TRPM3: variants seen among roughly 807,000 people sequenced by gnomAD.
TRPM3 encodes transient receptor potential cation channel subfamily M member 3, also known as long transient receptor potential channel 3.
TRPM3 carries 77 observed loss-of-function variants against 181.2 expected under a neutral mutation model. The observed-to-expected ratio is 0.42, with a 90% CI of 0.35 to 0.51. TRPM3 has a LOEUF of 0.51. Ranked by LOEUF, TRPM3 falls within the 20% of genes least tolerant of loss-of-function variation. TRPM3 has a pLI of 0.01. For synonymous variants in TRPM3, 745 were observed against 796.4 expected (o/e 0.94, Z 1.09); for missense variants, 1,759 against 2,196.7 (o/e 0.80, Z 3.98).
At chr9:70,916,951 T>A in intron 1 of TRPM3, 1 of 1,373,012 alleles carries the variant, frequency 7.3e-7, no homozygotes, top group African/African-American at 1.4e-5. Context: ...GCAAATTGGC[T>A]TAGGCTTTCT....
intron 1 of TRPM3, among the ~76,000 whole-genome samples, chr9:71,168,286 T>G: frequency 6.6e-6 from 1 of 152,160 alleles, no homozygotes; most frequent in East Asian, 1.9e-4. Flanking sequence ...TAATCTAGTT[T>G]TCACTCTTTT....
At chr9:71,302,842 G>C (rs2132340524) in intron 1 of TRPM3, among the ~76,000 whole-genome samples, 1 of 152,028 alleles carries the variant, frequency 6.6e-6, no homozygotes, top group African/African-American at 2.4e-5. Context: ...GGCTTTGTAA[G>C]TTATAGTATG....
intron 1 of TRPM3, among the ~76,000 whole-genome samples, chr9:70,969,190 C>T (rs952028486): frequency 2.0e-5 from 3 of 151,784 alleles, no homozygotes; most frequent in African/African-American, 4.8e-5. Flanking sequence ...AACCAAACAC[C>T]GCATGTTCTC....
chr9:70,621,799 G>A (rs1411164707), intron 14 of TRPM3, among the ~76,000 whole-genome samples: 1 of 152,128 alleles, frequency 6.6e-6, no homozygotes, highest in East Asian at 1.9e-4. Flanking sequence ...TTTTGGATTC[G>A]GTGATTTTAA....
chr9:70,607,363 G>A (rs377403767), intron 19 of TRPM3, among the ~76,000 whole-genome samples: 1 of 152,156 alleles, frequency 6.6e-6, no homozygotes, highest in South Asian at 2.1e-4. Flanking sequence ...TCAAAAGACT[G>A]GCATACCTTA....
chr9:71,361,860 C>G (rs372041909), intron 1 of TRPM3, among the ~76,000 whole-genome samples: 2 of 151,838 alleles, frequency 1.3e-5, no homozygotes, highest in African/African-American at 4.8e-5. Context: ...TATCCCTGAT[C>G]GGGTTCAAAT....
chr9:71,000,512 C>G (rs1042051257), intron 1 of TRPM3, among the ~76,000 whole-genome samples: 8 of 152,170 alleles, frequency 5.3e-5, no homozygotes, highest in African/African-American at 1.9e-4. Flanking sequence ...ATCAATCTTT[C>G]TTAAGTTGGG....
Position 70,843,134 on chromosome 9 carries a change from A to AG in TRPM3, c.677-8_677-7insC, listed in dbSNP as rs111825966. The AG allele has an allele frequency of 1.1e-3, 1,813 of 1,596,254 alleles. 9 individuals are homozygous for AG. The African/African-American group carries it at 0.021, about 18-fold the overall frequency. The stretch of plus-strand genomic sequence containing the variant: ...CCAACATGACGAATAACACCTAAAA[A>AG]AAAAAGAGAAGCATTGATTTTTTCT... On this transcript the variant is annotated splice_region_variant and splice_polypyrimidine_tract_variant and intron_variant, in intron 4 of 25. Coordinates refer to ENST00000677713, the MANE Select transcript of TRPM3 (RefSeq NM_001366145.2).
At chr9:70,599,970 A>C (rs1238429875) in intron 20 of TRPM3, among the ~76,000 whole-genome samples, 4 of 152,202 alleles carry the variant, frequency 2.6e-5, no homozygotes, top group African/African-American at 9.7e-5. Context: ...CCTGTTACAT[A>C]ATAGAAACTC....
intron 1 of TRPM3, among the ~76,000 whole-genome samples, chr9:71,006,812 A>C (rs1476478260): frequency 1.4e-5 from 2 of 147,888 alleles, no homozygotes; most frequent in African/African-American, 5.0e-5. Context: ...CGGAGCTTGC[A>C]GTGAGCCGAG....
At chr9:71,404,475 T>C (rs2093399858) in intron 1 of TRPM3, among the ~76,000 whole-genome samples, 2 of 152,184 alleles carry the variant, frequency 1.3e-5, no homozygotes, top group Non-Finnish European at 2.9e-5. Context: ...CAGTTACTCA[T>C]CAAGTTCTTT....
At chr9:71,320,246 A>T (rs2089076265) in intron 1 of TRPM3, among the ~76,000 whole-genome samples, 2 of 152,174 alleles carry the variant, frequency 1.3e-5, no homozygotes, top group African/African-American at 4.8e-5. Context: ...AAGAACAGCA[A>T]TACAGAGTGA....
chr9:71,202,272 G>A (rs1041922333), intron 1 of TRPM3, among the ~76,000 whole-genome samples: 1 of 151,296 alleles, frequency 6.6e-6, no homozygotes, highest in Non-Finnish European at 1.5e-5. Context: ...GCTGCTCGGG[G>A]GTCAGGGGTC....
intron 1 of TRPM3, among the ~76,000 whole-genome samples, chr9:71,011,564 A>G (rs919914057): frequency 1.5e-4 from 23 of 151,950 alleles, no homozygotes; most frequent in African/African-American, 5.1e-4. Flanking sequence ...GAAGTTCTTT[A>G]TTAGGAAGAT....
intron 1 of TRPM3, among the ~76,000 whole-genome samples, chr9:71,264,092 C>T (rs984883489): frequency 4.6e-5 from 7 of 152,186 alleles, no homozygotes; most frequent in African/African-American, 1.7e-4. Context: ...CCATTCAGGC[C>T]ACTCTCACCT....
chr9:70,569,002 AAATAT>A (rs2051421282), intron 22 of TRPM3, among the ~76,000 whole-genome samples: 1 of 152,228 alleles, frequency 6.6e-6, no homozygotes, highest in Non-Finnish European at 1.5e-5. Context: ...TTATCCCCAT[AAATAT>A]AATGAAAGAA....
chr9:70,830,383 T>TGACTTTC (rs1285065766), intron 5 of TRPM3, among the ~76,000 whole-genome samples: 1 of 152,216 alleles, frequency 6.6e-6, no homozygotes, highest in African/African-American at 2.4e-5. Flanking sequence ...TTCTGACTTT[T>TGACTTTC]GACTTTCTTT....
intron 1 of TRPM3, among the ~76,000 whole-genome samples, chr9:71,187,887 GATGATAGA>G (rs1371170054): frequency 3.4e-5 from 5 of 145,404 alleles, no homozygotes; most frequent in African/African-American, 1.3e-4. Flanking sequence ...CAGGCAGACA[GATGATAGA>G]TAGATAGATA....
chr9:71,254,896 C>CTTTGTCCA (rs2082580151), intron 1 of TRPM3, among the ~76,000 whole-genome samples: 1 of 152,110 alleles, frequency 6.6e-6, no homozygotes, highest in Non-Finnish European at 1.5e-5. Flanking sequence ...CCCTTCTTAC[C>CTTTGTCCA]TTTCATCCAG....
Sources: gnomAD v4.1 joint callset for allele counts (sites outside exome capture counted in the v4.1 genomes callset) on GRCh38, gnomAD v4.1.1 for gene constraint, MANE v1.5 for transcripts, NCBI Gene and HGNC (gene_info 2026-07-23, HGNC 2026-07-21) for gene names.